EGFL6: variants seen among roughly 807,000 people sequenced by gnomAD.
The protein encoded by EGFL6 is epidermal growth factor-like protein 6.
Under a neutral mutation model 43.1 loss-of-function variants are expected in EGFL6, and 42 were observed. The observed-to-expected ratio is 0.98, with a 90% confidence interval of 0.76 to 1.26. EGFL6 has a LOEUF of 1.26. Among genes scored for constraint, EGFL6 ranks in the 50% most tolerant of loss-of-function variants. The probability of loss-of-function intolerance (pLI) is 0.00; values close to 1 mark genes in which losing one functional copy is unlikely to be tolerated. For missense variants in EGFL6, 429 were observed against 427.8 expected (o/e 1.00, Z -0.02); for synonymous variants, 164 against 163.2 (o/e 1.01, Z -0.04).
chrX:13,600,280 C>CTTTTTTTTTTTTT (rs1231725425), intron 4 of EGFL6, among the ~76,000 whole-genome samples, 186 bp downstream of exon 4: 12 of 44,276 alleles, frequency 2.7e-4, no homozygotes, highest in Non-Finnish European at 3.0e-4. Context: ...TTTCTTTCTT[C>CTTTTTTTTTTTTT]TTTTTTTTTT....
chrX:13,584,420 CCTT>C (rs2045524019), intron 1 of EGFL6, among the ~76,000 whole-genome samples: 1 of 111,974 alleles, frequency 8.9e-6, no homozygotes, highest in South Asian at 3.8e-4. Flanking sequence ...CCCTAAGCCT[CCTT>C]CTTTTCTTAC....
intron 1 of EGFL6, among the ~76,000 whole-genome samples, chrX:13,585,162 C>T (rs1010422406): frequency 2.7e-5 from 3 of 111,861 alleles, no homozygotes; most frequent in African/African-American, 9.7e-5. Flanking sequence ...CCTCTCGGGG[C>T]TCATCTCTCA....
chrX:13,569,949 T>C lies in EGFL6; in HGVS notation c.74+14T>C. On this transcript the variant is annotated intron_variant, in intron 1 of 11. Coordinates refer to ENST00000361306, the MANE Select transcript of EGFL6 (RefSeq NM_015507.4). ...GAACGCGGCCAGGTGAGTGTCTGACTGGCGATTGGCTTCCCCCCACCCCCG... is the reference window on the plus strand; with the variant it reads ...GAACGCGGCCAGGTGAGTGTCTGACCGGCGATTGGCTTCCCCCCACCCCCG... The C allele has an allele frequency of 1.7e-6, 2 of 1,207,481 alleles. No individual in the cohort carries two copies. The highest frequency in any genetic ancestry group is 3.5e-5 in the South Asian group (2 of 56,682).
intron 3 of EGFL6, among the ~76,000 whole-genome samples, chrX:13,597,121 C>T (rs1055662749): frequency 8.9e-6 from 1 of 112,131 alleles, no homozygotes; most frequent in Non-Finnish European, 1.9e-5. Context: ...ACAGGACAGT[C>T]CCCACAACAA....
At chrX:13,632,880 G>A (rs931171672) in intron 11 of EGFL6, 105 bp from the exon 12 acceptor site, 15 of 714,893 alleles carry the variant, frequency 2.1e-5, no homozygotes, top group South Asian at 1.9e-4. Context: ...TGTCGAAGCC[G>A]GTTTCTATGA....
rs749094420 is a variant in EGFL6 at position 13,618,004 on chromosome X, A to G, written c.1053A>G (p.Lys351=). ...EGLEDEKREE[K]ALKNDIEERS... ...TTGAGGATGAGAAAAGAGAAGAGAA[A>G]GCCCTGAAGAATGACATAGAGGAGC... The change falls in exon 8 of 12, where the codon AAA becomes AAG. Residue 351 remains lysine (K), a synonymous_variant. Transcript: ENST00000361306. 2.5e-6 allele frequency: 3 copies of G among 1,208,992 alleles called. No homozygotes were observed. The highest frequency in any genetic ancestry group is 3.4e-6 in the Non-Finnish European group (3 of 894,915).
chrX:13,580,439 C>G, intron 1 of EGFL6, among the ~76,000 whole-genome samples: 1 of 111,712 alleles, frequency 9.0e-6, no homozygotes, highest in Non-Finnish European at 1.9e-5. Flanking sequence ...ACTTGCTTCC[C>G]TCCACTTCAC....
At chrX:13,581,949 A>G (rs2045508207) in intron 1 of EGFL6, among the ~76,000 whole-genome samples, 1 of 112,010 alleles carries the variant, frequency 8.9e-6, no homozygotes, top group Admixed American at 9.5e-5. Context: ...TTGTTTAGGA[A>G]GAGACAGAGA....
At chrX:13,622,528 C>G (rs950222994) in intron 9 of EGFL6, among the ~76,000 whole-genome samples, 8 of 112,150 alleles carry the variant, frequency 7.1e-5, no homozygotes, top group Non-Finnish European at 1.3e-4. Flanking sequence ...GCCCCAAAAT[C>G]AGAGCCAGAG....
chrX:13,616,513 C>T (rs1302284299), intron 7 of EGFL6, among the ~76,000 whole-genome samples: 2 of 109,333 alleles, frequency 1.8e-5, no homozygotes, highest in Non-Finnish European at 3.8e-5. Flanking sequence ...GGGAGGCTGA[C>T]GCAGGAGAAT....
At chrX:13,595,252 TA>T (rs778401020) in intron 3 of EGFL6, among the ~76,000 whole-genome samples, 35 of 111,863 alleles carry the variant, frequency 3.1e-4, no homozygotes, top group Admixed American at 2.9e-3. Flanking sequence ...AAAAAGTAAA[TA>T]ATTTTATTGC....
chrX:13,608,086 C>G (rs2045669883), intron 6 of EGFL6, among the ~76,000 whole-genome samples: 1 of 111,984 alleles, frequency 8.9e-6, no homozygotes. Context: ...CATTGATAAG[C>G]AGGAGATTAA....
chrX:13,579,653 A>G (rs750524010), intron 1 of EGFL6, among the ~76,000 whole-genome samples: 1 of 111,390 alleles, frequency 9.0e-6, no homozygotes, highest in South Asian at 3.8e-4. Context: ...TGTTTTTACT[A>G]TTTACAAATA....
intron 7 of EGFL6, among the ~76,000 whole-genome samples, chrX:13,609,959 C>T (rs1237616924): frequency 1.8e-5 from 2 of 110,854 alleles, no homozygotes; most frequent in Non-Finnish European, 3.8e-5. Flanking sequence ...ATACACCCAT[C>T]TGGCCAATGC....
At chrX:13,586,505 C>T (rs190877503) in intron 1 of EGFL6, among the ~76,000 whole-genome samples, 20 of 111,232 alleles carry the variant, frequency 1.8e-4, no homozygotes, top group African/African-American at 5.6e-4. Context: ...CTGGTGAGGG[C>T]ACTCTTGGGT....
rs1266524285 is a variant in EGFL6, at chrX:13,569,832, T to C, written c.-30T>C. On this transcript the variant is annotated 5_prime_UTR_variant, in exon 1 of 12. Coordinates refer to ENST00000361306, the MANE Select transcript of EGFL6 (RefSeq NM_015507.4). ...CGGCCGGCGCCCTCCCGAGGGGGGC[T>C]CAGGAGGAGGAAGGAGGACCCGTGC... 1 of 1,206,532 alleles carries C rather than the reference T, an allele frequency of 8.3e-7. No individual in the cohort carries two copies. Among genetic ancestry groups the C allele is most frequent in the Admixed American group, 2.2e-5 (1 of 46,088 alleles).
intron 5 of EGFL6, among the ~76,000 whole-genome samples, chrX:13,605,419 AT>A (rs1486261730): frequency 9.2e-6 from 1 of 108,725 alleles, no homozygotes; most frequent in Non-Finnish European, 1.9e-5. Context: ...CAAAAAAAAA[AT>A]AATAAAAAAT....
intron 1 of EGFL6, among the ~76,000 whole-genome samples, chrX:13,574,446 T>C (rs1192815075): frequency 2.7e-5 from 3 of 112,083 alleles, no homozygotes; most frequent in African/African-American, 9.7e-5. Context: ...GGGCAGGACA[T>C]GCAGGTATCC....
chrX:13,581,331 A>G (rs1283967311), intron 1 of EGFL6, among the ~76,000 whole-genome samples: 3 of 111,877 alleles, frequency 2.7e-5, no homozygotes. Context: ...GTCTTGGGGT[A>G]TCCCTGGACC....
Sources: gnomAD v4.1 joint callset for allele counts (sites outside exome capture counted in the v4.1 genomes callset) on GRCh38, gnomAD v4.1.1 for gene constraint, MANE v1.5 for transcripts, NCBI Gene and HGNC (gene_info 2026-07-23, HGNC 2026-07-21) for gene names.